The following FRMD7 variants were observed in gnomAD, a reference collection of about 807,000 sequenced individuals.
FRMD7 encodes FERM domain containing 7.
A neutral mutation model predicts 44.1 loss-of-function variants in FRMD7; 14 were observed. The observed-to-expected ratio is 0.32, with a 90% CI of 0.21 to 0.50. The LOEUF is 0.50. Among genes scored for constraint, FRMD7 ranks in the 20% least tolerant of loss-of-function variants. FRMD7 has a pLI of 0.99. For missense variants in FRMD7, 501 were observed against 522.3 expected, an observed-to-expected ratio of 0.96 and a Z score of 0.40; for synonymous variants, 212 against 187.4, an observed-to-expected ratio of 1.13 and a Z score of -1.07.
At chrX:132,119,253 G>T (rs1463749473) in intron 1 of FRMD7, among the ~76,000 whole-genome samples, 1 of 112,225 alleles carries the variant, frequency 8.9e-6, no homozygotes, top group East Asian at 2.8e-4. Context: ...ATTAAGTAAT[G>T]ATTGTATGAA....
intron 1 of FRMD7, among the ~76,000 whole-genome samples, chrX:132,101,011 G>C (rs1928483470): frequency 9.0e-6 from 1 of 111,723 alleles, no homozygotes; most frequent in African/African-American, 3.3e-5. Context: ...TGGAATTCTT[G>C]AATCAGTTCA....
intron 4 of FRMD7, among the ~76,000 whole-genome samples, chrX:132,095,030 C>T (rs1010662848): frequency 7.2e-5 from 8 of 110,411 alleles, no homozygotes; most frequent in African/African-American, 2.6e-4. Context: ...TAATTACCTT[C>T]TTCCATGGTC....
rs1195999138 is a variant in FRMD7, at chrX:132,099,588, T to A, written c.163-78A>T. 1.7e-5 allele frequency: 12 copies of A among 709,001 alleles called. No individual in the cohort carries two copies. In the African/African-American group the frequency reaches 2.2e-4, roughly 13 times the overall value. The allele number at this position is 709,001 out of a possible 1,213,427, so 58.4% of individuals were successfully genotyped here. ...TTTTTTTTTCGGTAATAGATAAAGA[T>A]TAACATGAAATAAATGAGTACCAGG... On this transcript the variant is annotated intron_variant, in intron 2 of 11. Coordinates refer to ENST00000298542, the MANE Select transcript of FRMD7 (RefSeq NM_194277.3).
intron 5 of FRMD7, among the ~76,000 whole-genome samples, chrX:132,093,248 G>A (rs1224292213): frequency 8.9e-6 from 1 of 112,233 alleles, no homozygotes; most frequent in African/African-American, 3.2e-5. Context: ...GAAAGGTAAG[G>A]TACAGAGGTC....
intron 5 of FRMD7, among the ~76,000 whole-genome samples, chrX:132,089,487 C>A (rs750824607): frequency 8.9e-6 from 1 of 111,925 alleles, no homozygotes; most frequent in South Asian, 3.7e-4. Context: ...ACTAAAACTA[C>A]ACAGAAAGTG....
intron 5 of FRMD7, among the ~76,000 whole-genome samples, chrX:132,093,760 T>C (rs1278577076): frequency 8.9e-6 from 1 of 112,231 alleles, no homozygotes; most frequent in Admixed American, 9.4e-5. Context: ...CCCAAACCAG[T>C]TCCTGGACAG....
rs1927650562 is a variant in FRMD7 at position 132,077,778 on chromosome X, G to A, written c.*94C>T. ...AGATTTCCTTAATACCAATGAATATGTAGTAACCAAGAAAATGGTTTCTAC... is the reference window on the plus strand; with the variant it reads ...AGATTTCCTTAATACCAATGAATATATAGTAACCAAGAAAATGGTTTCTAC... On this transcript the variant is annotated 3_prime_UTR_variant, in exon 12 of 12. Transcript: ENST00000298542. 1.7e-6 allele frequency: 2 copies of A among 1,161,864 alleles called. No homozygotes were observed. The highest frequency in any genetic ancestry group is 2.3e-6 in the Non-Finnish European group (2 of 859,464).
At chrX:132,097,688 A>C (rs1208774888) in intron 3 of FRMD7, among the ~76,000 whole-genome samples, 1 of 111,501 alleles carries the variant, frequency 9.0e-6, no homozygotes, top group Non-Finnish European at 1.9e-5. Context: ...GCTAGTTGGG[A>C]TTCTGCATTC....
intron 4 of FRMD7, among the ~76,000 whole-genome samples, chrX:132,095,544 A>T (rs1471432076): frequency 8.9e-6 from 1 of 112,468 alleles, no homozygotes; most frequent in Non-Finnish European, 1.9e-5. Flanking sequence ...ATCGCAAGTG[A>T]TATGTGAAAA....
At chrX:132,081,905 C>G (rs142723032) in intron 9 of FRMD7, among the ~76,000 whole-genome samples, 1 of 111,963 alleles carries the variant, frequency 8.9e-6, no homozygotes, top group African/African-American at 3.2e-5. Context: ...CTTAACCCAA[C>G]CTTGCTTCAA....
intron 1 of FRMD7, among the ~76,000 whole-genome samples, chrX:132,106,524 T>C (rs1928650641): frequency 8.9e-6 from 1 of 111,996 alleles, no homozygotes; most frequent in African/African-American, 3.2e-5. Context: ...CATTATTGTA[T>C]ATACTCAGAG....
chrX:132,081,050 A>C, intron 9 of FRMD7, among the ~76,000 whole-genome samples: 1 of 111,221 alleles, frequency 9.0e-6, no homozygotes, highest in Non-Finnish European at 1.9e-5. Context: ...AATCACAAGA[A>C]TTAGCCAGGC....
intron 1 of FRMD7, among the ~76,000 whole-genome samples, chrX:132,122,270 G>A (rs1327806012): frequency 8.9e-6 from 1 of 112,079 alleles, no homozygotes; most frequent in East Asian, 2.8e-4. Flanking sequence ...CCACTTTAGT[G>A]ATAAGGGCAC....
intron 1 of FRMD7, among the ~76,000 whole-genome samples, chrX:132,103,930 C>T (rs779106582): frequency 4.5e-5 from 5 of 111,791 alleles, no homozygotes; most frequent in East Asian, 5.6e-4. Context: ...TGGACCCAGA[C>T]ATTTAACTTG....
At chrX:132,099,992 A>G in intron 2 of FRMD7, among the ~76,000 whole-genome samples, 1 of 112,337 alleles carries the variant, frequency 8.9e-6, no homozygotes, top group Non-Finnish European at 1.9e-5. Context: ...TCCTCTGAAT[A>G]TTCACTGGTG....
intron 5 of FRMD7, among the ~76,000 whole-genome samples, chrX:132,092,692 CAG>C (rs917686045): frequency 5.4e-5 from 6 of 112,019 alleles, no homozygotes; most frequent in African/African-American, 1.9e-4. Context: ...GCTCCCCCGT[CAG>C]AGACTGCCTG....
intron 1 of FRMD7, among the ~76,000 whole-genome samples, chrX:132,101,494 A>T (rs1286598770): frequency 8.9e-6 from 1 of 112,107 alleles, no homozygotes; most frequent in African/African-American, 3.2e-5. Flanking sequence ...CTTGCCCTGG[A>T]TGTCTATCTT....
intron 1 of FRMD7, among the ~76,000 whole-genome samples, chrX:132,117,016 A>G (rs1225293601): frequency 1.8e-5 from 2 of 111,344 alleles, no homozygotes; most frequent in South Asian, 7.6e-4. Flanking sequence ...AAGTTACTTC[A>G]CCTCTTTCCA....
In FRMD7 at chrX:132,078,566, G is replaced by A. The variant is rs1189447000; in HGVS notation, c.1451C>T (p.Thr484Ile). ...TYTDVPYIPCTGQQVGIMPPQ... is the reference protein window; with the variant it reads ...TYTDVPYIPCIGQQVGIMPPQ... The stretch of plus-strand genomic sequence containing the variant: ...AGGCATAATACCAACCTGCTGACCT[G>A]TACAAGGAATATAGGGCACATCCGT... The change falls in exon 12 of 12, where the codon ACA (threonine) becomes ATA (isoleucine). Residue 484 changes from threonine to isoleucine, a missense_variant. Around this residue, in one of 3 missense-constraint regions of FRMD7, gnomAD observed 453 missense variants for 452.7 expected, o/e 1.00. Coordinates refer to ENST00000298542, the MANE Select transcript of FRMD7 (RefSeq NM_194277.3). 7.4e-6 allele frequency: 9 copies of A among 1,211,663 alleles called. No individual in the cohort carries two copies. The highest frequency in any genetic ancestry group is 4.5e-6 in the Non-Finnish European group (4 of 895,362).
Sources: gnomAD v4.1 joint callset for allele counts (sites outside exome capture counted in the v4.1 genomes callset) on GRCh38, gnomAD v4.1.1 for gene constraint, gnomAD v4.1.1 regional missense constraint, MANE v1.5 for transcripts, NCBI Gene and HGNC (gene_info 2026-07-23, HGNC 2026-07-21) for gene names.